Variants in ZNF462 observed in about 807,000 individuals in gnomAD.
ZNF462 encodes the protein zinc finger PBX1-interacting protein.
ZNF462 carries 10 observed loss-of-function variants against 201.9 expected under a neutral mutation model. That is an observed-to-expected ratio of 0.05 (90% CI 0.03 to 0.08). ZNF462 has a LOEUF of 0.08. Ranked by LOEUF, ZNF462 falls within the 10% of genes least tolerant of loss-of-function variation. The probability of loss-of-function intolerance (pLI) is 1.00; values close to 1 mark genes in which losing one functional copy is unlikely to be tolerated. For synonymous variants in ZNF462, 1,227 were observed against 1,193.3 expected (o/e 1.03, Z -0.58); for missense variants, 2,523 against 3,168.3 (o/e 0.80, Z 4.89).
intron 7 of ZNF462, among the ~76,000 whole-genome samples, chr9:106,958,469 C>T (rs923913677): frequency 1.3e-5 from 2 of 152,102 alleles, no homozygotes; most frequent in African/African-American, 2.4e-5. Context: ...ACACTTTAGC[C>T]CTTGCTATTC....
intron 1 of ZNF462, among the ~76,000 whole-genome samples, chr9:106,869,984 G>A (rs1827516710): frequency 6.6e-6 from 1 of 152,118 alleles, no homozygotes; most frequent in Non-Finnish European, 1.5e-5. Flanking sequence ...TCCATTGGAA[G>A]CAATTTGGAT....
chr9:106,967,751 T>C (rs184848269), intron 7 of ZNF462, among the ~76,000 whole-genome samples: 1 of 152,300 alleles, frequency 6.6e-6, no homozygotes, highest in Admixed American at 6.5e-5. Flanking sequence ...TTTAGACAGA[T>C]AGGTTTCCAG....
rs190324221 is a variant in ZNF462, at chr9:106,919,808, T to A, written c.-30-3546T>A. ...ATGGGTGGTGTTTAAAGTCTAGGCA[T>A]CTGAGGTCTATTTGACCTTGAAGGG... is the stretch of plus-strand genomic sequence containing the variant. On this transcript the variant is annotated intron_variant, in intron 1 of 12. Transcript: ENST00000277225. This position sits in a 1 kb window ranked among gnomAD's most constrained non-coding sequence, Gnocchi z 4.5. Among the ~76,000 whole-genome samples the A allele has an allele frequency of 2.5e-4, 38 of 152,332 alleles. No individual in the cohort carries two copies. Among genetic ancestry groups the A allele is most frequent in the African/African-American group, 8.9e-4 (37 of 41,582 alleles).
chr9:106,898,520 G>A (rs1828912507), intron 1 of ZNF462, among the ~76,000 whole-genome samples: 1 of 152,146 alleles, frequency 6.6e-6, no homozygotes, highest in Non-Finnish European at 1.5e-5. Flanking sequence ...AGCATCTAGT[G>A]GGGATGTCAG....
chr9:106,988,372 C>T (rs1828009353), intron 10 of ZNF462, among the ~76,000 whole-genome samples: 2 of 152,108 alleles, frequency 1.3e-5, no homozygotes, highest in Admixed American at 1.3e-4. Context: ...CCACGTGATT[C>T]AATTATCTCC....
At position 106,886,963 on chromosome 9, in the gene ZNF462, T is replaced by TCC. The variant is rs2130998639; in HGVS notation, c.-31+23610_-31+23611dup. Among the ~76,000 whole-genome samples the TCC allele has an allele frequency of 6.6e-6, 1 of 152,266 alleles. No individual in the cohort carries two copies. The highest frequency in any genetic ancestry group is 2.4e-5 in the African/African-American group (1 of 41,554). On this transcript the variant is annotated intron_variant, in intron 1 of 12. Transcript: ENST00000277225. The surrounding 1 kb of genome is among the most constrained non-coding windows in gnomAD (Gnocchi z 4.6). ...CGGTGGCACTTCCCTATACTTGCTG[T>TCC]CCCTTACAATTATGTGACTTAAAAT...
In ZNF462 at chr9:106,865,969, G is replaced by A. The variant is rs558923845; in HGVS notation, c.-31+2614G>A. ...TTTAAAAGCCAACCATGAAGATGTT[G>A]CTTTTCCATTAGGTGAGGTAGCCAT... On this transcript the variant is annotated intron_variant, in intron 1 of 12. Coordinates refer to ENST00000277225, the MANE Select transcript of ZNF462 (RefSeq NM_021224.6). This position sits in a 1 kb window ranked among gnomAD's most constrained non-coding sequence, Gnocchi z 4.1. Among the ~76,000 whole-genome samples, 66 of 152,276 alleles carry A rather than the reference G, an allele frequency of 4.3e-4. 1 individual carries two copies. In the South Asian group the frequency reaches 0.013, roughly 31 times the overall value.
intron 7 of ZNF462, 101 bp from the exon 8 acceptor site, chr9:106,971,904 A>G: frequency 7.0e-7 from 1 of 1,424,816 alleles, no homozygotes; most frequent in South Asian, 1.4e-5. Flanking sequence ...ATACCTTAGT[A>G]AAGCTGGAGG....
chr9:106,881,828 G>A (rs1031176040), intron 1 of ZNF462, among the ~76,000 whole-genome samples: 1 of 152,150 alleles, frequency 6.6e-6, no homozygotes, highest in Non-Finnish European at 1.5e-5. Context: ...TAAAAGGGAA[G>A]CAAAGTACCT....
rs997723174 is a variant in ZNF462, at chr9:106,968,415, A to G, written c.6428-3590A>G. 2.0e-5 allele frequency among the ~76,000 whole-genome samples: 3 copies of G among 152,234 alleles called. No individual in the cohort carries two copies. Among genetic ancestry groups the G allele is most frequent in the African/African-American group, 7.2e-5 (3 of 41,470 alleles). On this transcript the variant is annotated intron_variant, in intron 7 of 12. Coordinates refer to ENST00000277225, the MANE Select transcript of ZNF462 (RefSeq NM_021224.6). The surrounding 1 kb of genome is among the most constrained non-coding windows in gnomAD (Gnocchi z 4.0). ...TAGCTTACAAACTGGAGAACTCCAT[A>G]TAACTTAATTAAATTTATTTTATAA...
Position 106,928,197 on chromosome 9 carries a change from T to A in ZNF462, c.4285T>A (p.Cys1429Ser). 6.2e-7 allele frequency: 1 copy of A among 1,614,032 alleles called. No individual in the cohort carries two copies. The highest frequency in any genetic ancestry group is 8.5e-7 in the Non-Finnish European group (1 of 1,180,014). ...SSEELAGPVN[C>S]ENSIPTPFPE... ...CGAAGAGTTGGCAGGCCCTGTGAAT[T>A]GTGAAAACAGTATACCCACCCCTTT... Residue 1429 changes from cysteine to serine, a missense_variant, in exon 3 of 13, where the codon TGT becomes AGT. By Grantham distance (112) the Cys-to-Ser change is moderately radical. Transcript: ENST00000277225. This position sits in a 1 kb window ranked among gnomAD's most constrained non-coding sequence, Gnocchi z 9.3.
In ZNF462 at chr9:106,933,818, A is replaced by G. The variant is rs1344409018; in HGVS notation, c.6116+1269A>G. 2.6e-5 allele frequency among the ~76,000 whole-genome samples: 4 copies of G among 152,150 alleles called. No individual in the cohort carries two copies. On this transcript the variant is annotated intron_variant, in intron 5 of 12. Transcript: ENST00000277225. This position sits in a 1 kb window ranked among gnomAD's most constrained non-coding sequence, Gnocchi z 4.3. ...CTTAAAGTAGGAAAATAGGACTTGA[A>G]TAGTTTGGAAAGGACATATGATGTA...
intron 1 of ZNF462, among the ~76,000 whole-genome samples, chr9:106,875,940 A>G (rs1231134651): frequency 6.6e-6 from 1 of 152,232 alleles, no homozygotes; most frequent in African/African-American, 2.4e-5. Context: ...ACACACATGT[A>G]TCTCTATACA....
At chr9:106,861,285 C>G (rs1055620381), upstream of ZNF462, among the ~76,000 whole-genome samples, 1 of 152,020 alleles carries the variant, frequency 6.6e-6, no homozygotes, top group Non-Finnish European at 1.5e-5. Context: ...TATGAAGCCC[C>G]GCTATCGGAT....
Position 106,927,561 on chromosome 9 carries a change from C to G in ZNF462, c.3649C>G (p.Arg1217Gly), listed in dbSNP as rs1490120963. Residue 1217 changes from arginine (R) to glycine (G), a missense_variant, in exon 3 of 13, where the codon CGA (arginine) becomes GGA (glycine). Physicochemically the swap from Arg to Gly is moderately radical, Grantham distance 125. This residue lies in a region of ZNF462 where 222 missense variants were observed against 271.6 expected (regional missense o/e 0.82). Transcript: ENST00000277225. ...ACTCATTCATTATCAGAAGAAGCACCGAGACTTCAAGGCCAATGCAGATGT... is the reference window on the plus strand; with the variant it reads ...ACTCATTCATTATCAGAAGAAGCACGGAGACTTCAAGGCCAATGCAGATGT... The part of the protein sequence containing the change: ...GVLIHYQKKH[R>G]DFKANADVIR... The G allele has an allele frequency of 1.2e-6, 2 of 1,613,864 alleles. No individual in the cohort carries two copies. Among genetic ancestry groups the G allele is most frequent in the Non-Finnish European group, 8.5e-7 (1 of 1,179,912 alleles).
At chr9:106,994,387 T>C (rs1317634982) in intron 10 of ZNF462, among the ~76,000 whole-genome samples, 1 of 152,242 alleles carries the variant, frequency 6.6e-6, no homozygotes, top group Non-Finnish European at 1.5e-5. Flanking sequence ...TTAGGACATT[T>C]GTTTCCAGAA....
rs1168978565 is a variant in ZNF462, at chr9:106,984,250, T to C, written c.6897T>C (p.Val2299=). The part of the protein sequence containing the change: ...SKLSKYLQGV[V]FRCDKCTFTC... The stretch of plus-strand genomic sequence containing the variant: ...TGTCCAAATACTTGCAGGGAGTAGT[T>C]TTCCGCTGTGATAAGTGTACCTTCA... The change falls in exon 10 of 13, where the codon GTT becomes GTC. Residue 2299 remains valine (V), a synonymous_variant. Transcript: ENST00000277225. The surrounding 1 kb of genome is among the most constrained non-coding windows in gnomAD (Gnocchi z 6.4). 1.2e-6 allele frequency: 2 copies of C among 1,613,952 alleles called. No homozygotes were observed. The highest frequency in any genetic ancestry group is 1.7e-6 in the Non-Finnish European group (2 of 1,179,982).
chr9:106,861,394 G>C (rs1827062776), upstream of ZNF462, among the ~76,000 whole-genome samples: 1 of 152,198 alleles, frequency 6.6e-6, no homozygotes, highest in Admixed American at 6.5e-5. Context: ...GGAGGAGAAA[G>C]GGCGAGTATT....
chr9:106,887,366 C>T (rs138415853), intron 1 of ZNF462, among the ~76,000 whole-genome samples: 9 of 152,116 alleles, frequency 5.9e-5, no homozygotes, highest in African/African-American at 2.2e-4. Flanking sequence ...AAATCCTCTC[C>T]CTCCGTAAAT....
Sources: allele counts gnomAD v4.1 joint callset (sites outside exome capture counted in the v4.1 genomes callset), GRCh38; gene constraint gnomAD v4.1.1; regional missense constraint gnomAD v4.1.1; non-coding constraint Gnocchi (gnomAD v3.1); transcripts MANE v1.5; gene names NCBI Gene and HGNC (gene_info 2026-07-23, HGNC 2026-07-21).